PGD: variants seen among roughly 807,000 people sequenced by gnomAD.
PGD encodes 6-phosphogluconate dehydrogenase, decarboxylating.
PGD carries 21 observed loss-of-function variants against 60.4 expected under a neutral mutation model. That is an observed-to-expected ratio of 0.35 (90% CI 0.25 to 0.50). PGD has a LOEUF of 0.50. PGD is among the 20% of genes least tolerant of loss of function. The probability of loss-of-function intolerance (pLI) is 0.98; values close to 1 mark genes in which losing one functional copy is unlikely to be tolerated. For missense variants in PGD, 477 were observed against 613.1 expected, an observed-to-expected ratio of 0.78 and a Z score of 2.34; for synonymous variants, 230 against 235.9, an observed-to-expected ratio of 0.97 and a Z score of 0.23.
intron 4 of PGD, among the ~76,000 whole-genome samples, chr1:10,403,572 C>T (rs1178197011): frequency 8.6e-6 from 1 of 116,416 alleles, no homozygotes; most frequent in Non-Finnish European, 1.6e-5. Flanking sequence ...GCCTGGGCGA[C>T]AGAGTGAAAC....
chr1:10,399,563 G>T, intron 1 of PGD, 66 bp from the exon 2 acceptor site: 1 of 1,405,072 alleles, frequency 7.1e-7, no homozygotes, highest in East Asian at 2.3e-5. Context: ...GGAAGGACCG[G>T]ACCCCTGGGT....
chr1:10,417,550 C>T (rs760690055), intron 10 of PGD, 41 bp downstream of exon 10: 7 of 1,573,900 alleles, frequency 4.4e-6, no homozygotes, highest in African/African-American at 1.4e-5. Context: ...GAAGGACTCA[C>T]ACGGCTGTGC....
intron 10 of PGD, 97 bp from the exon 11 acceptor site, chr1:10,418,729 C>T (rs953706661): frequency 1.8e-5 from 12 of 676,678 alleles, no homozygotes; most frequent in African/African-American, 7.6e-5. Context: ...GAGCTGAGAT[C>T]GTGCCACTCC....
chr1:10,413,491 T>C (rs1457633796), intron 8 of PGD, among the ~76,000 whole-genome samples: 1 of 152,240 alleles, frequency 6.6e-6, no homozygotes, highest in African/African-American at 2.4e-5. Flanking sequence ...CAGAAGTGAC[T>C]GTCCTTCCTA....
At chr1:10,401,619 C>CT (rs1184526058) in intron 3 of PGD, among the ~76,000 whole-genome samples, 2 of 152,178 alleles carry the variant, frequency 1.3e-5, no homozygotes, top group Admixed American at 1.3e-4. Flanking sequence ...TGCCTGTAAT[C>CT]AGTTTCAGAC....
At chr1:10,411,328 GC>G in intron 6 of PGD, 89 bp from the exon 7 acceptor site, 1 of 1,468,990 alleles carries the variant, frequency 6.8e-7, no homozygotes, top group South Asian at 1.2e-5. Context: ...AGGTAGCCTT[GC>G]CAGGGATGTT....
chr1:10,420,388 T>C lies in PGD; in HGVS notation c.*639T>C. ...TCACTGTAACGTGCTTTTTCTTTCG[T>C]CTTTTTTTTTTTTTTTTTTTTTTTT... is the stretch of plus-strand genomic sequence containing the variant. On this transcript the variant is annotated 3_prime_UTR_variant, in exon 13 of 13. Coordinates refer to ENST00000270776, the MANE Select transcript of PGD (RefSeq NM_002631.4). 1.1e-5 allele frequency among the ~76,000 whole-genome samples: 1 copy of C among 93,466 alleles called. No homozygotes were observed. 61.3% of individuals were successfully genotyped at this position (93,466 alleles called of 152,430 possible). A position where few individuals can be genotyped will look rare whatever the true frequency, so the allele number is the denominator to read the frequency against.
chr1:10,409,935 C>T (rs1041273227), intron 6 of PGD, among the ~76,000 whole-genome samples: 1 of 152,062 alleles, frequency 6.6e-6, no homozygotes, highest in African/African-American at 2.4e-5. Flanking sequence ...GGATTATAGG[C>T]GTGAGCCACC....
chr1:10,404,355 C>A, intron 5 of PGD, 76 bp downstream of exon 5: 2 of 851,774 alleles, frequency 2.3e-6, no homozygotes, highest in Non-Finnish European at 3.6e-6. Context: ...AGGAGCAGTT[C>A]TGCCACCCTG....
In PGD at chr1:10,413,245, C is replaced by A; in HGVS notation, c.838C>A (p.Leu280Ile). Residue 280 changes from leucine to isoleucine, a missense_variant, in exon 8 of 13, where the codon CTC becomes ATC. Transcript: ENST00000270776. ...CCTGGAATACGGCGTACCCGTCACC[C>A]TCATTGGTAATGTTATGCTTTTCAC... is the stretch of plus-strand genomic sequence containing the variant. The part of the protein sequence containing the change: ...SALEYGVPVT[L>I]IGEAVFARCL... 6.2e-7 allele frequency: 1 copy of A among 1,613,608 alleles called. No homozygotes were observed. The highest frequency in any genetic ancestry group is 1.6e-4 in the Middle Eastern group (1 of 6,062).
intron 2 of PGD, chr1:10,399,916 G>GT: frequency 1.7e-6 from 1 of 595,178 alleles, no homozygotes; most frequent in South Asian, 1.9e-5. Context: ...CTGTGGGTCC[G>GT]TGAGGTTCAC....
rs1639498878 is a variant in PGD, at chr1:10,411,503, A to G, written c.605A>G (p.Tyr202Cys). 2.5e-6 allele frequency: 4 copies of G among 1,614,124 alleles called. No homozygotes were observed. In the East Asian group the frequency reaches 8.9e-5, roughly 36 times the overall value. Reference sequence around the variant, plus strand: ...GACATGCAGCTGATCTGTGAGGCATACCACCTGATGAAAGACGTGCTGGGC... The same window carrying G: ...GACATGCAGCTGATCTGTGAGGCATGCCACCTGATGAAAGACGTGCTGGGC... ...YGDMQLICEA[Y>C]HLMKDVLGMA... Residue 202 changes from tyrosine to cysteine, a missense_variant, in exon 7 of 13, where the codon TAC becomes TGC. By Grantham distance (194) the Tyr-to-Cys change is radical. This residue lies in a region of PGD where 431 missense variants were observed against 556.6 expected (regional missense o/e 0.77). Coordinates refer to ENST00000270776, the MANE Select transcript of PGD (RefSeq NM_002631.4).
chr1:10,400,664 T>C, intron 3 of PGD, 92 bp downstream of exon 3: 1 of 992,908 alleles, frequency 1.0e-6, no homozygotes. Context: ...TAGAGATTTT[T>C]TTTTTTCAAT....
At chr1:10,402,520 C>CAAAA (rs1027753140) in intron 3 of PGD, among the ~76,000 whole-genome samples, 5 of 150,650 alleles carry the variant, frequency 3.3e-5, no homozygotes, top group African/African-American at 1.2e-4. Context: ...GACTCCATCT[C>CAAAA]AAAAAAAATT....
chr1:10,418,733 C>T, intron 10 of PGD, 93 bp from the exon 11 acceptor site: 1 of 708,226 alleles, frequency 1.4e-6, no homozygotes, highest in Non-Finnish European at 2.5e-6. Flanking sequence ...TGAGATCGTG[C>T]CACTCCACTC....
chr1:10,403,941 GTTGTA>G (rs559421180), intron 4 of PGD, among the ~76,000 whole-genome samples: 125 of 152,306 alleles, frequency 8.2e-4, no homozygotes, highest in Non-Finnish European at 1.6e-3. Flanking sequence ...AATGTCCATA[GTTGTA>G]TTGTTTTGTT....
Position 10,417,075 on chromosome 1 carries a change from G to A in PGD, c.933G>A (p.Gln311=), listed in dbSNP as rs151084742. The A allele has an allele frequency of 3.1e-6, 5 of 1,613,954 alleles. No individual in the cohort carries two copies. Among genetic ancestry groups the A allele is most frequent in the African/African-American group, 2.7e-5 (2 of 74,930 alleles). Reference sequence around the variant, plus strand: ...AGCTGAAGGGTCCCCAGAAGTTCCAGTTTGATGGTGATAAGAAATCATTCC... The same window carrying A: ...AGCTGAAGGGTCCCCAGAAGTTCCAATTTGATGGTGATAAGAAATCATTCC... ...SKKLKGPQKF[Q]FDGDKKSFLE... is the part of the protein sequence containing the mutation. The change falls in exon 9 of 13, where the codon CAG becomes CAA. Residue 311 remains glutamine, a synonymous_variant. Coordinates refer to ENST00000270776, the MANE Select transcript of PGD (RefSeq NM_002631.4).
intron 6 of PGD, among the ~76,000 whole-genome samples, chr1:10,410,615 G>T (rs1639484128): frequency 6.6e-6 from 1 of 151,806 alleles, no homozygotes; most frequent in South Asian, 2.1e-4. Context: ...AGAGTTTGAT[G>T]CCATGAACTG....
At chr1:10,413,605 A>G (rs930296342) in intron 8 of PGD, among the ~76,000 whole-genome samples, 1 of 152,170 alleles carries the variant, frequency 6.6e-6, no homozygotes, top group African/African-American at 2.4e-5. Context: ...TTTTTCATAG[A>G]AAAGTTCATG....
Sources: gnomAD v4.1 joint callset for allele counts (sites outside exome capture counted in the v4.1 genomes callset) on GRCh38, gnomAD v4.1.1 for gene constraint, gnomAD v4.1.1 regional missense constraint, MANE v1.5 for transcripts, NCBI Gene and HGNC (gene_info 2026-07-23, HGNC 2026-07-21) for gene names.